The following SHROOM3 variants were observed in gnomAD, a reference collection of about 807,000 sequenced individuals.
SHROOM3 encodes protein Shroom3.
In SHROOM3, 47 loss-of-function variants were observed where a neutral mutation model predicts 138.6. That is an observed-to-expected ratio of 0.34 (90% CI 0.27 to 0.43). SHROOM3 has a LOEUF of 0.43. Among genes scored for constraint, SHROOM3 ranks in the 20% least tolerant of loss-of-function variants. The probability of loss-of-function intolerance (pLI) is 1.00; values close to 1 mark genes in which losing one functional copy is unlikely to be tolerated. For missense variants in SHROOM3, 2,491 were observed against 2,596.5 expected, an observed-to-expected ratio of 0.96 and a Z score of 0.88; for synonymous variants, 1,062 against 1,063.3, an observed-to-expected ratio of 1.00 and a Z score of 0.02.
At chr4:76,480,421 G>A (rs753487737) in intron 1 of SHROOM3, among the ~76,000 whole-genome samples, 25 of 152,130 alleles carry the variant, frequency 1.6e-4, no homozygotes, top group Non-Finnish European at 2.8e-4. Context: ...AGGGATCAAT[G>A]CAACAAGAAG....
At chr4:76,439,552 T>C (rs1037259506) in intron 1 of SHROOM3, among the ~76,000 whole-genome samples, 1 of 152,052 alleles carries the variant, frequency 6.6e-6, no homozygotes, top group Admixed American at 6.6e-5. Flanking sequence ...TGGCTGATCA[T>C]GCGTATACTA....
At chr4:76,490,950 G>A (rs930004592) in intron 1 of SHROOM3, among the ~76,000 whole-genome samples, 5 of 152,170 alleles carry the variant, frequency 3.3e-5, no homozygotes, top group African/African-American at 9.7e-5. Context: ...GCCCATTGGG[G>A]TTGGAATAAG....
intron 1 of SHROOM3, among the ~76,000 whole-genome samples, chr4:76,459,341 C>T (rs2109974672): frequency 6.6e-6 from 1 of 152,280 alleles, no homozygotes; most frequent in African/African-American, 2.4e-5. Context: ...CCTCATTAGA[C>T]CTTCCCCATT....
intron 1 of SHROOM3, among the ~76,000 whole-genome samples, chr4:76,548,628 C>T (rs1041045602): frequency 2.0e-5 from 3 of 152,134 alleles, no homozygotes; most frequent in African/African-American, 4.8e-5. Context: ...AAATGTTTAC[C>T]GATCACTCAT....
rs112556428 is a variant in SHROOM3 at position 76,464,230 on chromosome 4, G to C, written c.168+28010G>C. Among the ~76,000 whole-genome samples, 1,088 of 152,296 alleles carry C rather than the reference G, an allele frequency of 7.1e-3. 9 individuals are homozygous for C. The highest frequency in any genetic ancestry group is 0.025 in the African/African-American group (1,030 of 41,574). On this transcript the variant is annotated intron_variant, in intron 1 of 10. Transcript: ENST00000296043. The stretch of plus-strand genomic sequence containing the variant: ...TTCACCTCTTGCATCAGCATGACTT[G>C]GATGTGATACATGGAGTCAAAGGAG...
chr4:76,596,666 A>G (rs555725304), intron 2 of SHROOM3, among the ~76,000 whole-genome samples: 28 of 151,878 alleles, frequency 1.8e-4, no homozygotes, highest in African/African-American at 5.8e-4. Flanking sequence ...GAACCTGACA[A>G]TAATTTCCAG....
At chr4:76,541,546 G>T (rs552146443) in intron 1 of SHROOM3, among the ~76,000 whole-genome samples, 1 of 151,988 alleles carries the variant, frequency 6.6e-6, no homozygotes, top group Non-Finnish European at 1.5e-5. Context: ...TACAATAACG[G>T]CAGGGGCTTG....
rs542431785 is a variant in SHROOM3 at position 76,448,191 on chromosome 4, A to G, written c.168+11971A>G. ...TTATATATGAGGAAAGAGGTTTTTC[A>G]TAAAAGATGGAGCCAAGATTTAAAG... On this transcript the variant is annotated intron_variant, in intron 1 of 10. Coordinates refer to ENST00000296043, the MANE Select transcript of SHROOM3 (RefSeq NM_020859.4). Among the ~76,000 whole-genome samples the G allele has an allele frequency of 1.2e-4, 18 of 152,278 alleles. No individual in the cohort carries two copies. The East Asian group carries it at 1.9e-3, about 16-fold the overall frequency.
chr4:76,440,029 A>G (rs1730636633), intron 1 of SHROOM3, among the ~76,000 whole-genome samples: 2 of 152,232 alleles, frequency 1.3e-5, no homozygotes, highest in South Asian at 4.1e-4. Flanking sequence ...TGATTTTATT[A>G]TGATTCACTT....
chr4:76,538,684 C>T (rs761941834), intron 1 of SHROOM3, among the ~76,000 whole-genome samples: 10 of 152,174 alleles, frequency 6.6e-5, no homozygotes, highest in Non-Finnish European at 1.5e-4. Context: ...TAAGGGCCTA[C>T]TCTACTTTTC....
intron 1 of SHROOM3, among the ~76,000 whole-genome samples, chr4:76,518,812 C>A (rs1040053393): frequency 3.3e-5 from 5 of 152,086 alleles, no homozygotes; most frequent in Non-Finnish European, 7.4e-5. Flanking sequence ...TATTAAAATT[C>A]TTTTTATTGC....
chr4:76,778,118 C>A (rs1722629601), intron 10 of SHROOM3, among the ~76,000 whole-genome samples: 1 of 152,110 alleles, frequency 6.6e-6, no homozygotes, highest in Non-Finnish European at 1.5e-5. Context: ...AGGGCCTGAA[C>A]CCTTGCATTT....
intron 2 of SHROOM3, among the ~76,000 whole-genome samples, chr4:76,628,521 G>T (rs1315669922): frequency 6.6e-6 from 1 of 152,050 alleles, no homozygotes; most frequent in Non-Finnish European, 1.5e-5. Flanking sequence ...CAGACGTTGG[G>T]ATTACTCCTA....
intron 1 of SHROOM3, among the ~76,000 whole-genome samples, chr4:76,501,926 T>C (rs1199904804): frequency 2.6e-5 from 4 of 152,194 alleles, no homozygotes; most frequent in Non-Finnish European, 5.9e-5. Context: ...ATTTCCCTGA[T>C]GCTATGGTTT....
intron 2 of SHROOM3, among the ~76,000 whole-genome samples, chr4:76,626,251 G>T (rs1735140626): frequency 1.3e-5 from 2 of 152,146 alleles, no homozygotes; most frequent in South Asian, 4.2e-4. Flanking sequence ...ATGATAGTGG[G>T]ATTTTTTTTA....
intron 1 of SHROOM3, among the ~76,000 whole-genome samples, chr4:76,451,258 T>C (rs1730920796): frequency 1.3e-5 from 2 of 152,162 alleles, no homozygotes; most frequent in African/African-American, 4.8e-5. Context: ...CCAGTATTGA[T>C]TTAATTAACT....
intron 2 of SHROOM3, 178 bp from the exon 3 acceptor site, chr4:76,709,978 C>T (rs951812939): frequency 7.3e-5 from 48 of 654,628 alleles, no homozygotes; most frequent in Middle Eastern, 2.7e-4. Flanking sequence ...GTAGTGGATT[C>T]GCCTTCGTAG....
intron 9 of SHROOM3, among the ~76,000 whole-genome samples, chr4:76,765,483 G>A (rs1416054238): frequency 2.0e-5 from 3 of 152,124 alleles, no homozygotes; most frequent in African/African-American, 4.8e-5. Flanking sequence ...TGCCAGCAAT[G>A]CCTATATGCT....
chr4:76,527,839 C>A (rs891034151), intron 1 of SHROOM3, among the ~76,000 whole-genome samples: 1 of 152,188 alleles, frequency 6.6e-6, no homozygotes, highest in African/African-American at 2.4e-5. Flanking sequence ...CCATGACCAG[C>A]CCTGCTGGCC....
Sources: gnomAD v4.1 joint callset for allele counts (sites outside exome capture counted in the v4.1 genomes callset) on GRCh38, gnomAD v4.1.1 for gene constraint, MANE v1.5 for transcripts, NCBI Gene and HGNC (gene_info 2026-07-23, HGNC 2026-07-21) for gene names.